Variants in POP4 observed in about 807,000 individuals in gnomAD.
The protein encoded by POP4 is ribonuclease P protein subunit p29.
A neutral mutation model predicts 29.9 loss-of-function variants in POP4; 31 were observed. The ratio of observed to expected loss-of-function variants is 1.04; its 90% CI spans 0.78 to 1.40. POP4 has a LOEUF of 1.40. Ranked by LOEUF, POP4 falls within the 40% of genes most tolerant of loss-of-function variation. POP4 has a pLI of 0.00. For missense variants in POP4, 286 were observed against 282.7 expected, an observed-to-expected ratio of 1.01 and a Z score of -0.08; for synonymous variants, 110 against 108.2, an observed-to-expected ratio of 1.02 and a Z score of -0.10.
Position 29,610,483 on chromosome 19 carries a change from G to T in POP4, c.135G>T (p.Gln45His). 2 of 1,609,430 alleles carry T rather than the reference G, an allele frequency of 1.2e-6. No homozygotes were observed. The highest frequency in any genetic ancestry group is 1.7e-5 in the Admixed American group (1 of 59,198). The stretch of plus-strand genomic sequence containing the variant: ...GCAGCACGCCCCGCATGAGCCCGCA[G>T]GCCCGCGAGGACCAGCTGCAGCGCA... ...LKRSTPRMSP[Q>H]AREDQLQRKA... Residue 45 changes from glutamine (Q) to histidine (H), a missense_variant, in exon 3 of 7, where the codon CAG (glutamine) becomes CAT (histidine). By Grantham distance (24) the Gln-to-His change is conservative (BLOSUM62 0). Coordinates refer to ENST00000585603, the MANE Select transcript of POP4 (RefSeq NM_006627.3).
intron 5 of POP4, among the ~76,000 whole-genome samples, chr19:29,612,555 C>A (rs1971082774): frequency 6.6e-6 from 1 of 152,158 alleles, no homozygotes; most frequent in Admixed American, 6.5e-5. Context: ...AAGGTGACAT[C>A]TCCAGCGTAG....
rs570647742 is a variant in POP4, at chr19:29,616,491, G to C, written c.*1111G>C. On this transcript the variant is annotated 3_prime_UTR_variant, in exon 7 of 7. Transcript: ENST00000585603. ...ACAAATCTGTTCTCCCCCAGGAGAA[G>C]TAGCAGTGCCAGGGCTTTGCGTTTC... The C allele has an allele frequency of 6.6e-6, 1 of 152,288 alleles. No homozygotes were observed. The highest frequency in any genetic ancestry group is 2.1e-4 in the South Asian group (1 of 4,838). 9.4% of individuals were successfully genotyped at this position (152,288 alleles called of 1,614,324 possible).
Position 29,610,449 on chromosome 19 carries a change from T to A in POP4, c.101T>A (p.Phe34Tyr), listed in dbSNP as rs547325169. The A allele has an allele frequency of 1.3e-6, 2 of 1,590,924 alleles. No individual in the cohort carries two copies. The highest frequency in any genetic ancestry group is 2.3e-5 in the South Asian group (2 of 88,418). Residue 34 changes from phenylalanine to tyrosine, a missense_variant, in exon 3 of 7, where the codon TTC becomes TAC. By Grantham distance (22) the Phe-to-Tyr change is conservative (BLOSUM62 3). Transcript: ENST00000585603. Reference sequence around the variant, plus strand: ...CGGGCCGAGGCCTTCGTGAGGGCCTTCCTGAAGCGCAGCACGCCCCGCATG... The same window carrying A: ...CGGGCCGAGGCCTTCGTGAGGGCCTACCTGAAGCGCAGCACGCCCCGCATG... ...AQRAEAFVRA[F>Y]LKRSTPRMSP...
intron 6 of POP4, 114 bp downstream of exon 6, chr19:29,614,086 G>T (rs1971104706): frequency 6.8e-7 from 1 of 1,462,492 alleles, no homozygotes; most frequent in African/African-American, 1.4e-5. Context: ...AGCGCAGATT[G>T]CAGATACTTG....
rs369766266 is a variant in POP4, at chr19:29,610,470, G to A, written c.122G>A (p.Arg41His). The A allele has an allele frequency of 4.8e-5, 77 of 1,603,422 alleles. No individual in the cohort carries two copies. The highest frequency in any genetic ancestry group is 5.8e-5 in the Non-Finnish European group (68 of 1,175,248). ...VRAFLKRSTPRMSPQAREDQL... is the reference protein window; with the variant it reads ...VRAFLKRSTPHMSPQAREDQL... ...GCCTTCCTGAAGCGCAGCACGCCCC[G>A]CATGAGCCCGCAGGCCCGCGAGGAC... Residue 41 changes from arginine (R) to histidine (H), a missense_variant, in exon 3 of 7, where the codon CGC becomes CAC. Arg to His is a conservative substitution (Grantham distance 29). Transcript: ENST00000585603.
At chr19:29,614,503 A>T (rs981351693) in intron 6 of POP4, among the ~76,000 whole-genome samples, 3 of 83,674 alleles carry the variant, frequency 3.6e-5, no homozygotes, top group African/African-American at 1.5e-4. Context: ...TGTTCCTTTA[A>T]TTTTTCTTTT....
chr19:29,610,903 T>C (rs1971061141), intron 3 of POP4: 1 of 475,840 alleles, frequency 2.1e-6, no homozygotes, highest in Non-Finnish European at 3.8e-6. Flanking sequence ...CTGTTTGTCC[T>C]TCGGCTTTGT....
intron 6 of POP4, among the ~76,000 whole-genome samples, chr19:29,614,901 A>G (rs1333690290): frequency 6.6e-6 from 1 of 152,172 alleles, no homozygotes; most frequent in African/African-American, 2.4e-5. Context: ...AAGTGGTGTA[A>G]TAGTTTCTCC....
rs1033393342 is a variant in POP4 at position 29,610,204 on chromosome 19, T to C, written c.61-205T>C. On this transcript the variant is annotated intron_variant, in intron 2 of 6. Transcript: ENST00000585603. The stretch of plus-strand genomic sequence containing the variant: ...CGCTGTTGTGTGTGACAAACGGTCA[T>C]GAATTGGTGTGTGAGTGTGACTTAC... 5 of 574,458 alleles carry C rather than the reference T, an allele frequency of 8.7e-6. No homozygotes were observed. In the African/African-American group the frequency reaches 9.4e-5, roughly 11 times the overall value. The allele number at this position is 574,458 out of a possible 1,614,324, so 35.6% of individuals were successfully genotyped here. A position where few individuals can be genotyped will look rare whatever the true frequency, so the allele number is the denominator to read the frequency against.
At chr19:29,612,425 T>C (rs1971080648) in intron 5 of POP4, among the ~76,000 whole-genome samples, 1 of 152,156 alleles carries the variant, frequency 6.6e-6, no homozygotes, top group Non-Finnish European at 1.5e-5. Context: ...CAGGGACCCC[T>C]GTTGGTACCC....
rs1706971992 is a variant in POP4 at position 29,615,568 on chromosome 19, A to G, written c.*188A>G. 1 of 520,130 alleles carries G rather than the reference A, an allele frequency of 1.9e-6. No homozygotes were observed. Among genetic ancestry groups the G allele is most frequent in the Admixed American group, 3.7e-5 (1 of 27,170 alleles). 32.2% of individuals were successfully genotyped at this position (520,130 alleles called of 1,614,324 possible). Reference sequence around the variant, plus strand: ...GCGTACTAAGTGAAGAAGTCAGAGGACAGAGGAATTTCTCTTTCTAGGAGA... The same window carrying G: ...GCGTACTAAGTGAAGAAGTCAGAGGGCAGAGGAATTTCTCTTTCTAGGAGA... On this transcript the variant is annotated 3_prime_UTR_variant, in exon 7 of 7. Coordinates refer to ENST00000585603, the MANE Select transcript of POP4 (RefSeq NM_006627.3).
Position 29,611,935 on chromosome 19 carries a change from G to C in POP4, c.358G>C (p.Asp120His). The part of the protein sequence containing the change: ...IRDLCSGLKP[D>H]TQPQMIQAKL... The stretch of plus-strand genomic sequence containing the variant: ...GGACCTGTGCAGTGGGCTCAAGCCA[G>C]ACACGTAAGTTGCATTCCTGAAGCT... The change falls in exon 4 of 7, where the codon GAC becomes CAC. Residue 120 changes from aspartate (D) to histidine (H), a missense_variant. Asp to His is a moderately conservative substitution (Grantham distance 81). Transcript: ENST00000585603. 2 of 1,613,924 alleles carry C rather than the reference G, an allele frequency of 1.2e-6. No individual in the cohort carries two copies. Among genetic ancestry groups the C allele is most frequent in the Non-Finnish European group, 1.7e-6 (2 of 1,179,772 alleles).
In POP4 at chr19:29,610,372, GGAGCAGT is replaced by G. The variant is rs752417173; in HGVS notation, c.61-32_61-26del. ...CCTGGGATCCTGGGCTGCCCAGACC[GGAGCAGT>G]GAGCGCCGCACCCCCTTGTCCGCCT... is the stretch of plus-strand genomic sequence containing the variant. On this transcript the variant is annotated intron_variant, in intron 2 of 6. Transcript: ENST00000585603. 20 of 1,515,944 alleles carry G rather than the reference GGAGCAGT, an allele frequency of 1.3e-5. No homozygotes were observed. The South Asian group carries it at 2.5e-4, about 19-fold the overall frequency. 93.9% of individuals were successfully genotyped at this position (1,515,944 alleles called of 1,614,324 possible). A position where few individuals can be genotyped will look rare whatever the true frequency, so the allele number is the denominator to read the frequency against.
rs145514077 is a variant in POP4, at chr19:29,607,257, C to T, written c.7+932C>T. ...AAGACCAACTTGGGCAACAACATAG[C>T]GAGACCCTGTCTCTACAAAAACTGG... On this transcript the variant is annotated intron_variant, in intron 1 of 6. Coordinates refer to ENST00000585603, the MANE Select transcript of POP4 (RefSeq NM_006627.3). Among the ~76,000 whole-genome samples the T allele has an allele frequency of 4.0e-3, 585 of 144,606 alleles. 9 individuals carry two copies. The highest frequency in any genetic ancestry group is 0.014 in the African/African-American group (551 of 38,470). 94.9% of individuals were successfully genotyped at this position (144,606 alleles called of 152,430 possible).
At position 29,606,445 on chromosome 19, in the gene POP4, G is replaced by C; in HGVS notation, c.7+120G>C. Reference sequence around the variant, plus strand: ...CGGAGTCCTAACAGAACCGCTACAGGAATGGGCCCACCCTACCTAAGAAAA... The same window carrying C: ...CGGAGTCCTAACAGAACCGCTACAGCAATGGGCCCACCCTACCTAAGAAAA... On this transcript the variant is annotated intron_variant, in intron 1 of 6. Coordinates refer to ENST00000585603, the MANE Select transcript of POP4 (RefSeq NM_006627.3). 2.5e-6 allele frequency: 3 copies of C among 1,202,494 alleles called. No homozygotes were observed. In the South Asian group the frequency reaches 5.2e-5, roughly 21 times the overall value. The allele number at this position is 1,202,494 out of a possible 1,614,324, so 74.5% of individuals were successfully genotyped here. A position where few individuals can be genotyped will look rare whatever the true frequency, so the allele number is the denominator to read the frequency against.
chr19:29,615,228 T>A lies in POP4; in HGVS notation c.527-16T>A. Reference sequence around the variant, plus strand: ...CTCATCTTTTTTTCTCCTGCCTTTTTTTTTTTTTTTTTCAGTTATCCCCAA... The same window carrying A: ...CTCATCTTTTTTTCTCCTGCCTTTTATTTTTTTTTTTTCAGTTATCCCCAA... On this transcript the variant is annotated splice_polypyrimidine_tract_variant and intron_variant, in intron 6 of 6. Transcript: ENST00000585603. The A allele has an allele frequency of 6.7e-7, 1 of 1,487,530 alleles. No individual in the cohort carries two copies. The highest frequency in any genetic ancestry group is 1.3e-5 in the South Asian group (1 of 75,136). 92.1% of individuals were successfully genotyped at this position (1,487,530 alleles called of 1,614,324 possible). A position where few individuals can be genotyped will look rare whatever the true frequency, so the allele number is the denominator to read the frequency against.
At chr19:29,608,262 CTTTTTTTTTTTTT>C (rs1164860504) in intron 1 of POP4, among the ~76,000 whole-genome samples, 1 of 86,578 alleles carries the variant, frequency 1.2e-5, no homozygotes, top group Admixed American at 1.4e-4. Flanking sequence ...CTTTTCTTTT[CTTTTTTTTTTTTT>C]TTTTTTTTTG....
intron 3 of POP4, among the ~76,000 whole-genome samples, chr19:29,611,273 C>CTGCCTCCCAGGGTT (rs1971065447): frequency 6.6e-6 from 1 of 152,246 alleles, no homozygotes; most frequent in Non-Finnish European, 1.5e-5. Flanking sequence ...GAAGGGGCTG[C>CTGCCTCCCAGGGTT]TGCCTCCCAG....
chr19:29,606,333 G>C lies in POP4; in HGVS notation c.7+8G>C. The C allele has an allele frequency of 1.9e-6, 3 of 1,606,156 alleles. No homozygotes were observed. The highest frequency in any genetic ancestry group is 2.5e-6 in the Non-Finnish European group (3 of 1,176,772). On this transcript the variant is annotated splice_region_variant and intron_variant, in intron 1 of 6. Coordinates refer to ENST00000585603, the MANE Select transcript of POP4 (RefSeq NM_006627.3). Reference sequence around the variant, plus strand: ...GCGGTCCGAGAATGAAGAGTAAGCGGGGCCGCGAAGTTGGAGAGGGTTGGG... The same window carrying C: ...GCGGTCCGAGAATGAAGAGTAAGCGCGGCCGCGAAGTTGGAGAGGGTTGGG...
Sources: gnomAD v4.1 joint callset for allele counts (sites outside exome capture counted in the v4.1 genomes callset) on GRCh38, gnomAD v4.1.1 for gene constraint, MANE v1.5 for transcripts, NCBI Gene and HGNC (gene_info 2026-07-23, HGNC 2026-07-21) for gene names.